TECPR2: variants seen among roughly 807,000 people sequenced by gnomAD.
TECPR2 encodes the protein tectonin beta-propeller repeat-containing protein 2.
In TECPR2, 65 loss-of-function variants were observed where a neutral mutation model predicts 138.1. That is an observed-to-expected ratio of 0.47 (90% CI 0.39 to 0.58). TECPR2 has a LOEUF of 0.58. Ranked by LOEUF, TECPR2 falls within the 20% of genes least tolerant of loss-of-function variation. TECPR2 has a pLI of 0.00. For synonymous variants in TECPR2, 746 were observed against 749.8 expected, an observed-to-expected ratio of 0.99 and a Z score of 0.08; for missense variants, 1,553 against 1,824.5, an observed-to-expected ratio of 0.85 and a Z score of 2.71.
intron 4 of TECPR2, among the ~76,000 whole-genome samples, chr14:102,412,761 G>A (rs11626897): frequency 0.042 from 6,451 of 152,254 alleles, 219 homozygotes; most frequent in South Asian, 0.11. Context: ...GAGAACCACT[G>A]AGTGTATTTC....
intron 2 of TECPR2, among the ~76,000 whole-genome samples, chr14:102,403,179 A>G (rs189819329): frequency 1.3e-5 from 2 of 152,346 alleles, no homozygotes; most frequent in African/African-American, 4.8e-5. Context: ...TAAAAGGATT[A>G]TACACCATGA....
At chr14:102,454,723 A>G (rs557205495) in intron 16 of TECPR2, among the ~76,000 whole-genome samples, 73 of 152,172 alleles carry the variant, frequency 4.8e-4, no homozygotes, top group Non-Finnish European at 7.5e-4. Flanking sequence ...CTGAGGGTAA[A>G]AAGTCCAGGG....
Position 102,429,573 on chromosome 14 carries a change from C to G in TECPR2, c.1084+1191C>G, listed in dbSNP as rs1307053422. ...TTATATATTTGGGTTCCTCGGGGAA[C>G]TTGTTCCTCATGGTGGCAACAACAG... is the stretch of plus-strand genomic sequence containing the variant. On this transcript the variant is annotated intron_variant, in intron 7 of 19. Transcript: ENST00000359520. Among the ~76,000 whole-genome samples the G allele has an allele frequency of 2.0e-5, 3 of 152,192 alleles. No individual in the cohort carries two copies. The East Asian group carries it at 5.8e-4, about 29-fold the overall frequency.
At chr14:102,458,730 C>G (rs1024379052) in intron 16 of TECPR2, among the ~76,000 whole-genome samples, 2 of 152,042 alleles carry the variant, frequency 1.3e-5, no homozygotes, top group African/African-American at 4.8e-5. Context: ...TCCTTCAACT[C>G]TTCTTCCTTC....
intron 16 of TECPR2, among the ~76,000 whole-genome samples, 168 bp from the exon 17 acceptor site, chr14:102,464,973 G>A (rs1327163564): frequency 2.0e-5 from 3 of 152,240 alleles, no homozygotes; most frequent in Admixed American, 2.0e-4. Flanking sequence ...AGTCCACACA[G>A]CCGATGTGGA....
chr14:102,407,579 C>T (rs769114844), intron 3 of TECPR2, 113 bp downstream of exon 3: 85 of 1,372,778 alleles, frequency 6.2e-5, no homozygotes, highest in Non-Finnish European at 7.0e-5. Flanking sequence ...AAGCCGGGCA[C>T]GACTTTCTCT....
At chr14:102,449,055 A>T (rs1427008991) in intron 13 of TECPR2, among the ~76,000 whole-genome samples, 1 of 152,230 alleles carries the variant, frequency 6.6e-6, no homozygotes, top group Non-Finnish European at 1.5e-5. Context: ...TGAGCCCAGA[A>T]GTTCAAGACC....
intron 7 of TECPR2, among the ~76,000 whole-genome samples, chr14:102,430,730 C>T (rs1281323892): frequency 2.6e-5 from 4 of 152,196 alleles, no homozygotes; most frequent in African/African-American, 4.8e-5. Flanking sequence ...GGACAGGAGA[C>T]AGGTACTCAC....
chr14:102,439,418 C>T (rs1167076900), intron 10 of TECPR2, among the ~76,000 whole-genome samples: 1 of 152,148 alleles, frequency 6.6e-6, no homozygotes, highest in East Asian at 1.9e-4. Context: ...TTCTTGCTTG[C>T]TTTCACTGTT....
At position 102,425,146 on chromosome 14, in the gene TECPR2, A is replaced by T; in HGVS notation, c.806A>T (p.Glu269Val). 6.2e-7 allele frequency: 1 copy of T among 1,614,058 alleles called. No individual in the cohort carries two copies. Among genetic ancestry groups the T allele is most frequent in the Non-Finnish European group, 8.5e-7 (1 of 1,180,012 alleles). ...DAFAGGVKPF[E>V]LHPRLESPNS... is the part of the protein sequence containing the mutation. ...TTTGCCGGGGGAGTCAAGCCTTTTG[A>T]ACTGCACCCGCGTCTGGAATCCCCC... Residue 269 changes from glutamate to valine, a missense_variant, in exon 6 of 20, where the codon GAA becomes GTA. Physicochemically the swap from Glu to Val is moderately radical, Grantham distance 121 (BLOSUM62 -2). Transcript: ENST00000359520.
At chr14:102,454,105 A>G (rs1386459706) in intron 16 of TECPR2, among the ~76,000 whole-genome samples, 2 of 151,686 alleles carry the variant, frequency 1.3e-5, no homozygotes, top group Non-Finnish European at 2.9e-5. Flanking sequence ...GTGAGCTGAG[A>G]TCCATGCCAT....
At chr14:102,408,321 A>G (rs1595107817) in intron 3 of TECPR2, among the ~76,000 whole-genome samples, 167 bp from the exon 4 acceptor site, 1 of 152,206 alleles carries the variant, frequency 6.6e-6, no homozygotes, top group Non-Finnish European at 1.5e-5. Flanking sequence ...TGGGTTTTGA[A>G]GGTGACTAGA....
chr14:102,497,434 A>G, intron 18 of TECPR2, 136 bp from the exon 19 acceptor site: 1 of 1,254,956 alleles, frequency 8.0e-7, no homozygotes, highest in East Asian at 2.7e-5. Context: ...CTCCTGCCCC[A>G]AGCCCAGCCC....
rs188067189 is a variant in TECPR2 at position 102,408,094 on chromosome 14, G to T, written c.349-394G>T. On this transcript the variant is annotated intron_variant, in intron 3 of 19. Coordinates refer to ENST00000359520, the MANE Select transcript of TECPR2 (RefSeq NM_014844.5). ...TGAGGCAGGAGAATCACTTGAACCCGGGAGGCAGAGGTCACAGTGAGCTGA... is the reference window on the plus strand; with the variant it reads ...TGAGGCAGGAGAATCACTTGAACCCTGGAGGCAGAGGTCACAGTGAGCTGA... 3.0e-4 allele frequency among the ~76,000 whole-genome samples: 45 copies of T among 152,050 alleles called. No homozygotes were observed. In the East Asian group the frequency reaches 8.1e-3, roughly 27 times the overall value.
Position 102,414,351 on chromosome 14 carries a change from A to T in TECPR2, c.481-285A>T, listed in dbSNP as rs142794623. 2.6e-3 allele frequency among the ~76,000 whole-genome samples: 394 copies of T among 152,350 alleles called. 2 individuals carry two copies. The Middle Eastern group carries it at 0.051, about 20-fold the overall frequency. ...AGCCTGCTATGGTGCACAGTAAAGA[A>T]TGTATCTACTGAGGACATGTTTTTA... On this transcript the variant is annotated intron_variant, in intron 4 of 19. Coordinates refer to ENST00000359520, the MANE Select transcript of TECPR2 (RefSeq NM_014844.5).
rs1169230734 is a variant in TECPR2, at chr14:102,420,717, C to T, written c.639-4262C>T. 2.0e-5 allele frequency among the ~76,000 whole-genome samples: 3 copies of T among 152,180 alleles called. No individual in the cohort carries two copies. Among genetic ancestry groups the T allele is most frequent in the Admixed American group, 2.0e-4 (3 of 15,266 alleles). ...AACTCCTGGGCTCAAGCAGTCCTCCCTCCTTGGCCTCCAAAAGTGCTGGGA... is the reference window on the plus strand; with the variant it reads ...AACTCCTGGGCTCAAGCAGTCCTCCTTCCTTGGCCTCCAAAAGTGCTGGGA... On this transcript the variant is annotated intron_variant, in intron 5 of 19. Coordinates refer to ENST00000359520, the MANE Select transcript of TECPR2 (RefSeq NM_014844.5). The surrounding 1 kb of genome is among the most constrained non-coding windows in gnomAD (Gnocchi z 4.1).
At chr14:102,481,203 C>T (rs964851634) in intron 17 of TECPR2, among the ~76,000 whole-genome samples, 1 of 151,456 alleles carries the variant, frequency 6.6e-6, no homozygotes, top group African/African-American at 2.4e-5. Flanking sequence ...GGGGTTTCTC[C>T]ATGTTGGCCA....
At chr14:102,364,685 A>G (rs1887295499) in intron 1 of TECPR2, among the ~76,000 whole-genome samples, 1 of 151,532 alleles carries the variant, frequency 6.6e-6, no homozygotes, top group South Asian at 2.1e-4. Context: ...CATCTACTGG[A>G]TTTTTTTTTC....
At chr14:102,381,227 C>T (rs761140980) in intron 2 of TECPR2, among the ~76,000 whole-genome samples, 5 of 152,226 alleles carry the variant, frequency 3.3e-5, no homozygotes, top group African/African-American at 4.8e-5. Flanking sequence ...TCCCAAAATG[C>T]TGGGATTACA....
Sources: allele counts gnomAD v4.1 joint callset (sites outside exome capture counted in the v4.1 genomes callset), GRCh38; gene constraint gnomAD v4.1.1; non-coding constraint Gnocchi (gnomAD v3.1); transcripts MANE v1.5; gene names NCBI Gene and HGNC (gene_info 2026-07-23, HGNC 2026-07-21).